TSPAN8: variants seen among roughly 807,000 people sequenced by gnomAD.
TSPAN8 encodes the protein tetraspanin 8, also known as tetraspanin-8.
In TSPAN8, 21 loss-of-function variants were observed where a neutral mutation model predicts 32.8. That is an observed-to-expected ratio of 0.64 (90% CI 0.45 to 0.92). The LOEUF is 0.92. Ranked by LOEUF, TSPAN8 falls within the 40% of genes least tolerant of loss-of-function variation. TSPAN8 has a pLI of 0.00. For missense variants in TSPAN8, 269 were observed against 281.9 expected (o/e 0.95, Z 0.33); for synonymous variants, 95 against 94.6 (o/e 1.00, Z -0.03).
intron 6 of TSPAN8, among the ~76,000 whole-genome samples, chr12:71,133,723 A>G (rs1427668423): frequency 1.3e-5 from 2 of 152,198 alleles, no homozygotes; most frequent in Non-Finnish European, 2.9e-5. Flanking sequence ...TGATCCATGG[A>G]AAACACTAAA....
At chr12:71,139,273 T>C (rs2137052542) in intron 4 of TSPAN8, 1 of 460,810 alleles carries the variant, frequency 2.2e-6, no homozygotes, top group African/African-American at 2.0e-5. Context: ...GGAAAGCTTT[T>C]CCTACCCTCA....
intron 7 of TSPAN8, among the ~76,000 whole-genome samples, chr12:71,131,182 C>T (rs759849396): frequency 8.9e-4 from 136 of 152,094 alleles, no homozygotes; most frequent in Admixed American, 2.6e-3. Context: ...ATTTATTTCC[C>T]CTTTTCCTTG....
At chr12:71,135,485 C>T (rs1379099156) in intron 6 of TSPAN8, among the ~76,000 whole-genome samples, 5 of 111,192 alleles carry the variant, frequency 4.5e-5, no homozygotes, top group South Asian at 3.4e-4. Context: ...GAAGGGGAGG[C>T]GGAGGAGAAG....
At position 71,133,458 on chromosome 12, in the gene TSPAN8, G is replaced by T. The variant is rs188502140; in HGVS notation, c.445-634C>A. Among the ~76,000 whole-genome samples the T allele has an allele frequency of 1.5e-3, 221 of 152,172 alleles. 1 individual carries two copies. The highest frequency in any genetic ancestry group is 5.1e-3 in the African/African-American group (213 of 41,516). ...AGATATTGTCAAAAAAGTTTCCAAAGAATTCACAAGAGAGTCAAAGAATTG... is the reference window on the plus strand; with the variant it reads ...AGATATTGTCAAAAAAGTTTCCAAATAATTCACAAGAGAGTCAAAGAATTG... On this transcript the variant is annotated intron_variant, in intron 6 of 8. Coordinates refer to ENST00000247829, the MANE Select transcript of TSPAN8 (RefSeq NM_004616.3).
intron 2 of TSPAN8, among the ~76,000 whole-genome samples, chr12:71,150,619 TAC>T (rs1872222783): frequency 6.6e-6 from 1 of 152,196 alleles, no homozygotes; most frequent in Non-Finnish European, 1.5e-5. Flanking sequence ...TACGTTGAAA[TAC>T]TGGGGGCACG....
intron 2 of TSPAN8, among the ~76,000 whole-genome samples, chr12:71,150,250 T>A (rs757746918): frequency 6.6e-6 from 1 of 152,230 alleles, no homozygotes; most frequent in Non-Finnish European, 1.5e-5. Context: ...CAGACCCTTA[T>A]CAGTAATTCT....
At chr12:71,132,455 C>T (rs1265172576) in intron 7 of TSPAN8, among the ~76,000 whole-genome samples, 2 of 152,116 alleles carry the variant, frequency 1.3e-5, no homozygotes, top group Non-Finnish European at 2.9e-5. Context: ...CCTCCCATTG[C>T]AGTAGAATGT....
At position 71,138,414 on chromosome 12, in the gene TSPAN8, T is replaced by C. The variant is rs74941866; in HGVS notation, c.262-184A>G. 6.4e-3 allele frequency among the ~76,000 whole-genome samples: 972 copies of C among 152,228 alleles called. 13 individuals are homozygous for C. Among genetic ancestry groups the C allele is most frequent in the African/African-American group, 0.022 (905 of 41,546 alleles). On this transcript the variant is annotated intron_variant, in intron 4 of 8. Coordinates refer to ENST00000247829, the MANE Select transcript of TSPAN8 (RefSeq NM_004616.3). The stretch of plus-strand genomic sequence containing the variant: ...TTTGGGTTCATTACTACTCAGAAAA[T>C]TGCTCCAGAGACTGATCGAGGAAAG...
intron 2 of TSPAN8, chr12:71,157,378 A>T (rs933585237): frequency 2.4e-6 from 1 of 409,792 alleles, no homozygotes; most frequent in Middle Eastern, 6.9e-4. Context: ...TTTTTGCAGC[A>T]ATATGAAAAC....
intron 2 of TSPAN8, among the ~76,000 whole-genome samples, chr12:71,152,528 C>G (rs560614881): frequency 3.3e-5 from 5 of 152,140 alleles, no homozygotes; most frequent in Non-Finnish European, 7.4e-5. Flanking sequence ...GAGGTAGATA[C>G]TACTACTATC....
chr12:71,146,113 T>G (rs1353388468), intron 2 of TSPAN8, among the ~76,000 whole-genome samples: 1 of 152,128 alleles, frequency 6.6e-6, no homozygotes, highest in African/African-American at 2.4e-5. Context: ...TTCTGTAACA[T>G]TAACATTTAA....
chr12:71,156,136 G>A (rs1044893683), intron 2 of TSPAN8, among the ~76,000 whole-genome samples: 5 of 151,622 alleles, frequency 3.3e-5, no homozygotes, highest in African/African-American at 1.2e-4. Context: ...ATGGGGTGGG[G>A]GAAGTGAATA....
intron 2 of TSPAN8, among the ~76,000 whole-genome samples, chr12:71,149,133 G>A (rs1872164552): frequency 6.6e-6 from 1 of 152,138 alleles, no homozygotes. Flanking sequence ...AATGTGCTGA[G>A]GCAGGTGGAT....
chr12:71,140,578 TGTTA>T (rs1352900590), intron 3 of TSPAN8, among the ~76,000 whole-genome samples: 1 of 152,150 alleles, frequency 6.6e-6, no homozygotes, highest in East Asian at 1.9e-4. Flanking sequence ...CTATTTTGAC[TGTTA>T]GTTAATGAGA....
At chr12:71,131,199 CTG>C (rs559994880) in intron 7 of TSPAN8, among the ~76,000 whole-genome samples, 131 of 152,168 alleles carry the variant, frequency 8.6e-4, no homozygotes, top group Non-Finnish European at 1.5e-3. Context: ...CTTGTAAATA[CTG>C]TGTCACTAAC....
At chr12:71,151,810 A>G (rs12424851) in intron 2 of TSPAN8, among the ~76,000 whole-genome samples, 10,574 of 152,188 alleles carry the variant, frequency 0.069, 687 homozygotes, top group East Asian at 0.3. Flanking sequence ...AAAAGGTTTG[A>G]TTTAGAATTC....
At chr12:71,156,880 C>A (rs1872461067) in intron 2 of TSPAN8, 1 of 152,134 alleles carries the variant, frequency 6.6e-6, no homozygotes, top group Non-Finnish European at 1.5e-5. Context: ...TCCCAACATC[C>A]CAGCCTGCTC....
intron 3 of TSPAN8, among the ~76,000 whole-genome samples, chr12:71,143,022 C>T (rs1871954563): frequency 6.6e-6 from 1 of 152,120 alleles, no homozygotes; most frequent in Non-Finnish European, 1.5e-5. Flanking sequence ...AATGCATTGT[C>T]TTAATTGCTG....
chr12:71,135,481 G>A (rs894288849), intron 6 of TSPAN8, among the ~76,000 whole-genome samples: 10 of 146,592 alleles, frequency 6.8e-5, no homozygotes, highest in Non-Finnish European at 1.5e-4. Flanking sequence ...AGAAGAAGGG[G>A]AGGCGGAGGA....
Sources: allele counts gnomAD v4.1 joint callset (sites outside exome capture counted in the v4.1 genomes callset), GRCh38; gene constraint gnomAD v4.1.1; transcripts MANE v1.5; gene names NCBI Gene and HGNC (gene_info 2026-07-23, HGNC 2026-07-21).